HECTD4: variants seen among roughly 807,000 people sequenced by gnomAD.
HECTD4 encodes the protein probable E3 ubiquitin-protein ligase HECTD4.
A neutral mutation model predicts 471.5 loss-of-function variants in HECTD4; 114 were observed. The ratio of observed to expected loss-of-function variants is 0.24; its 90% confidence interval spans 0.21 to 0.28. The LOEUF (loss-of-function observed/expected upper bound fraction) is 0.28, where lower values mean the gene tolerates loss of function less well. Ranked by LOEUF, HECTD4 falls within the 10% of genes least tolerant of loss-of-function variation. The pLI is 1.00. For missense variants in HECTD4, 3,866 were observed against 5,651.5 expected, an observed-to-expected ratio of 0.68 and a Z score of 10.13; for synonymous variants, 2,012 against 2,256.0, an observed-to-expected ratio of 0.89 and a Z score of 3.07.
At position 112,163,744 on chromosome 12, in the gene HECTD4, G is replaced by A. The variant is rs1454144152; in HGVS notation, c.12702-7C>T. On this transcript the variant is annotated splice_polypyrimidine_tract_variant and splice_region_variant and intron_variant, in intron 73 of 75. Transcript: ENST00000682272. This position sits in a 1 kb window ranked among gnomAD's most constrained non-coding sequence, Gnocchi z 8.2. ...GATGTCCTTGTTCTCCCACCTGCCC[G>A]GGTGAGGAGCACAGGTGAGGGAGAA... 6 of 1,459,244 alleles carry A rather than the reference G, an allele frequency of 4.1e-6. No homozygotes were observed. The highest frequency in any genetic ancestry group is 4.5e-6 in the Non-Finnish European group (5 of 1,101,368). The allele number at this position is 1,459,244 out of a possible 1,614,324, so 90.4% of individuals were successfully genotyped here. A position where few individuals can be genotyped will look rare whatever the true frequency, so the allele number is the denominator to read the frequency against.
rs574290376 is a variant in HECTD4, at chr12:112,285,187, C to T, written c.1336-1885G>A. 4.6e-5 allele frequency among the ~76,000 whole-genome samples: 7 copies of T among 152,274 alleles called. No homozygotes were observed. The South Asian group carries it at 1.5e-3, about 32-fold the overall frequency. On this transcript the variant is annotated intron_variant, in intron 7 of 75. Transcript: ENST00000682272. ...CACTTACCTCTGTGTAAAGTGCTCA[C>T]TGTGCTGGCGAGTGAAGCCAGCACA...
intron 6 of HECTD4, 123 bp downstream of exon 6, chr12:112,308,630 A>G (rs2035316150): frequency 1.1e-6 from 1 of 907,850 alleles, no homozygotes; most frequent in Non-Finnish European, 1.6e-6. Flanking sequence ...AACTATAACA[A>G]TTAAAAGGAT....
rs759381770 is a variant in HECTD4, at chr12:112,273,806, A to G, written c.1802-11T>C. ...TGTCATAACACGCTCCTGCAAAAAG[A>G]GCATACTGTATTCAGTCACCATGCC... On this transcript the variant is annotated splice_polypyrimidine_tract_variant and intron_variant, in intron 10 of 75. Coordinates refer to ENST00000682272, the MANE Select transcript of HECTD4 (RefSeq NM_001388303.1). 1.9e-6 allele frequency: 3 copies of G among 1,613,212 alleles called. No individual in the cohort carries two copies. The highest frequency in any genetic ancestry group is 4.5e-5 in the East Asian group (2 of 44,876).
chr12:112,284,537 G>A (rs750311995), intron 7 of HECTD4, among the ~76,000 whole-genome samples: 5 of 152,258 alleles, frequency 3.3e-5, no homozygotes, highest in Admixed American at 1.3e-4. Flanking sequence ...GTGGGTGTAC[G>A]TAGTGGGGGA....
In HECTD4 at chr12:112,212,714, C is replaced by T. The variant is rs2032798956; in HGVS notation, c.7466-64G>A. ...TTTTATTAAGTAAATTTTAAATTTGCAACCGGAGTGTCACCCTACACATCA... is the reference window on the plus strand; with the variant it reads ...TTTTATTAAGTAAATTTTAAATTTGTAACCGGAGTGTCACCCTACACATCA... On this transcript the variant is annotated intron_variant, in intron 48 of 75. Coordinates refer to ENST00000682272, the MANE Select transcript of HECTD4 (RefSeq NM_001388303.1). 5 of 1,409,456 alleles carry T rather than the reference C, an allele frequency of 3.5e-6. No homozygotes were observed. The South Asian group carries it at 7.0e-5, about 20-fold the overall frequency. 87.3% of individuals were successfully genotyped at this position (1,409,456 alleles called of 1,614,324 possible).
At position 112,270,351 on chromosome 12, in the gene HECTD4, G is replaced by A; in HGVS notation, c.2051C>T (p.Thr684Ile). Residue 684 changes from threonine to isoleucine, a missense_variant, in exon 12 of 76, where the codon ACA (threonine) becomes ATA (isoleucine). Thr to Ile is a moderately conservative substitution (Grantham distance 89, BLOSUM62 -1). This residue lies in a region of HECTD4 where 525 missense variants were observed against 672.6 expected (regional missense o/e 0.78). Transcript: ENST00000682272. ...LLATNPNLPI[T>I]SVLGKQHPIE... Reference sequence around the variant, plus strand: ...TGGATGCTGCTTGCCCAAGACACTTGTGATTGGAAGATTGGGGTTGGTGGC... The same window carrying A: ...TGGATGCTGCTTGCCCAAGACACTTATGATTGGAAGATTGGGGTTGGTGGC... The A allele has an allele frequency of 6.2e-7, 1 of 1,614,032 alleles. No homozygotes were observed. The highest frequency in any genetic ancestry group is 1.1e-5 in the South Asian group (1 of 91,082).
intron 45 of HECTD4, 30 bp from the exon 46 acceptor site, chr12:112,217,225 T>G: frequency 6.8e-7 from 1 of 1,474,566 alleles, no homozygotes. Flanking sequence ...CCATATTCAG[T>G]AGAACTGCAA....
chr12:112,218,277 A>G (rs2032985403), intron 45 of HECTD4, among the ~76,000 whole-genome samples: 1 of 152,186 alleles, frequency 6.6e-6, no homozygotes, highest in African/African-American at 2.4e-5. Context: ...TTATGGGGTA[A>G]GTCAATGGTT....
rs1450487477 is a variant in HECTD4, at chr12:112,319,250, C to A, written c.670G>T (p.Ala224Ser). ...CTGGCACAAGCCAAAGCCACCAGGG[C>A]AGCAGCAGCATTTTCTTTTTGCTTA... is the stretch of plus-strand genomic sequence containing the variant. ...PHKQKENAAA[A>S]LVALACARGS... is the part of the protein sequence containing the mutation. The change falls in exon 2 of 76, where the codon GCC (alanine) becomes TCC (serine). Residue 224 changes from alanine (A) to serine (S), a missense_variant. By Grantham distance (99) the Ala-to-Ser change is moderately conservative. Transcript: ENST00000682272. This position sits in a 1 kb window ranked among gnomAD's most constrained non-coding sequence, Gnocchi z 5.3. The A allele has an allele frequency of 2.6e-6, 4 of 1,536,020 alleles. No individual in the cohort carries two copies. Among genetic ancestry groups the A allele is most frequent in the Non-Finnish European group, 3.5e-6 (4 of 1,146,884 alleles).
At chr12:112,366,802 C>T (rs1475799495) in intron 1 of HECTD4, among the ~76,000 whole-genome samples, 1 of 150,772 alleles carries the variant, frequency 6.6e-6, no homozygotes, top group Non-Finnish European at 1.5e-5. Context: ...ATCGCTTGAA[C>T]CCAGGAGGCG....
Position 112,235,789 on chromosome 12 carries a change from G to GAAAAAAAA in HECTD4, c.5445-6_5445-5insTTTTTTTT. ...ATGGCTTTACCTATGTGGCTCCTGG[G>GAAAAAAAA]AAAAAAGGAAGAAAAGGTACACAGT... On this transcript the variant is annotated splice_polypyrimidine_tract_variant and splice_region_variant and intron_variant, in intron 35 of 75. Coordinates refer to ENST00000682272, the MANE Select transcript of HECTD4 (RefSeq NM_001388303.1). This position sits in a 1 kb window ranked among gnomAD's most constrained non-coding sequence, Gnocchi z 5.0. 2 of 1,600,402 alleles carry GAAAAAAAA rather than the reference G, an allele frequency of 1.2e-6. No homozygotes were observed. Among genetic ancestry groups the GAAAAAAAA allele is most frequent in the Admixed American group, 1.8e-5 (1 of 56,312 alleles).
In HECTD4 at chr12:112,298,314, A is replaced by G. The variant is rs77768175; in HGVS notation, c.1335+7750T>C. On this transcript the variant is annotated intron_variant, in intron 7 of 75. Transcript: ENST00000682272. ...AGGAAAAGTTGTTAACACAGAAGAAAGACAATTGCAGAAAAATTCTGTCCC... is the reference window on the plus strand; with the variant it reads ...AGGAAAAGTTGTTAACACAGAAGAAGGACAATTGCAGAAAAATTCTGTCCC... 7.9e-3 allele frequency among the ~76,000 whole-genome samples: 1,205 copies of G among 152,232 alleles called. 141 individuals are homozygous for G. The East Asian group carries it at 0.23, about 29-fold the overall frequency.
At chr12:112,351,701 C>T (rs980642129) in intron 1 of HECTD4, among the ~76,000 whole-genome samples, 1 of 152,176 alleles carries the variant, frequency 6.6e-6, no homozygotes, top group Non-Finnish European at 1.5e-5. Flanking sequence ...ACAGATAAAT[C>T]ATGGAAGATC....
At chr12:112,218,360 A>C (rs2032990033) in intron 45 of HECTD4, among the ~76,000 whole-genome samples, 1 of 152,194 alleles carries the variant, frequency 6.6e-6, no homozygotes, top group Non-Finnish European at 1.5e-5. Context: ...CTACTGAAGG[A>C]AATTCCATAC....
At chr12:112,187,493 C>T (rs958730228) in intron 60 of HECTD4, among the ~76,000 whole-genome samples, 2 of 152,198 alleles carry the variant, frequency 1.3e-5, no homozygotes, top group Non-Finnish European at 2.9e-5. Context: ...TTGCCTCAGC[C>T]TCCCAAAGTG....
chr12:112,301,802 T>G (rs1375518468), intron 7 of HECTD4: 1 of 420,048 alleles, frequency 2.4e-6, no homozygotes. Context: ...AGCTAGCTGT[T>G]TTTTTTTTTA....
At position 112,172,713 on chromosome 12, in the gene HECTD4, C is replaced by G; in HGVS notation, c.11743G>C (p.Asp3915His). 6.2e-7 allele frequency: 1 copy of G among 1,614,008 alleles called. No homozygotes were observed. Among genetic ancestry groups the G allele is most frequent in the Non-Finnish European group, 8.5e-7 (1 of 1,179,904 alleles). Residue 3915 changes from aspartate to histidine, a missense_variant, in exon 67 of 76, where the codon GAC becomes CAC. Physicochemically the swap from Asp to His is moderately conservative, Grantham distance 81. This residue lies in a region of HECTD4 where 715 missense variants were observed against 1,087.6 expected (regional missense o/e 0.66). Transcript: ENST00000682272. ...ARLHPHEVYL[D>H]PADAADPRVA... ...CTGGGGTCAGCAGCATCCGCGGGGT[C>G]CAGGTACACCTCATGGGGATGGAGC...
chr12:112,313,252 A>C (rs2035406462), intron 3 of HECTD4, 105 bp from the exon 4 acceptor site: 1 of 686,276 alleles, frequency 1.5e-6, no homozygotes, highest in Middle Eastern at 2.6e-4. Context: ...TAAAACTAAG[A>C]TGTATAATAT....
At chr12:112,291,811 G>T (rs946709524) in intron 7 of HECTD4, among the ~76,000 whole-genome samples, 2 of 152,290 alleles carry the variant, frequency 1.3e-5, no homozygotes, top group East Asian at 1.9e-4. Flanking sequence ...GGCGGAGCTT[G>T]CAGTGAGCCA....
Sources: allele counts gnomAD v4.1 joint callset (sites outside exome capture counted in the v4.1 genomes callset), GRCh38; gene constraint gnomAD v4.1.1; regional missense constraint gnomAD v4.1.1; non-coding constraint Gnocchi (gnomAD v3.1); transcripts MANE v1.5; gene names NCBI Gene and HGNC (gene_info 2026-07-23, HGNC 2026-07-21).